ITGAE: variants seen among roughly 807,000 people sequenced by gnomAD.
The protein encoded by ITGAE is integrin alpha-E.
Under a neutral mutation model 136.5 loss-of-function variants are expected in ITGAE, and 99 were observed. The ratio of observed to expected loss-of-function variants is 0.73; its 90% CI spans 0.62 to 0.86. The LOEUF is 0.86. ITGAE is among the 40% of genes least tolerant of loss of function. The probability of loss-of-function intolerance (pLI) is 0.00; values close to 1 mark genes in which losing one functional copy is unlikely to be tolerated. For synonymous variants in ITGAE, 613 were observed against 591.8 expected, an observed-to-expected ratio of 1.04 and a Z score of -0.52; for missense variants, 1,447 against 1,515.3, an observed-to-expected ratio of 0.95 and a Z score of 0.75.
intron 1 of ITGAE, among the ~76,000 whole-genome samples, chr17:3,784,584 G>A (rs1347884652): frequency 1.3e-5 from 2 of 151,792 alleles, no homozygotes; most frequent in East Asian, 2.0e-4. Context: ...TAGTAGAGAC[G>A]GGGTTTCACC....
At chr17:3,765,627 G>GC (rs1353432939) in intron 2 of ITGAE, among the ~76,000 whole-genome samples, 1 of 152,036 alleles carries the variant, frequency 6.6e-6, no homozygotes, top group African/African-American at 2.4e-5. Context: ...GTCACCAGGG[G>GC]CCCCCACAAT....
chr17:3,749,743 C>T (rs2051817091), intron 16 of ITGAE, among the ~76,000 whole-genome samples: 1 of 152,086 alleles, frequency 6.6e-6, no homozygotes, highest in Non-Finnish European at 1.5e-5. Context: ...CTTGGCCAGG[C>T]ATAGTGGCTC....
At position 3,763,879 on chromosome 17, in the gene ITGAE, G is replaced by A. The variant is rs1274692133; in HGVS notation, c.237C>T (p.Cys79=). Residue 79 remains cysteine (C), a synonymous_variant, in exon 3 of 31, where the codon TGC becomes TGT. Transcript: ENST00000263087. ...TTGGGGCTGACTTACCTACAGGATG[G>A]CAAAGGATTTCATCCTGGACAAGGG... ...RCSLVQDEIL[C]HPVEHVPIPK... 3.7e-6 allele frequency: 6 copies of A among 1,613,318 alleles called. No homozygotes were observed. The highest frequency in any genetic ancestry group is 5.1e-6 in the Non-Finnish European group (6 of 1,179,472).
chr17:3,786,520 T>G (rs1231929929), intron 1 of ITGAE, among the ~76,000 whole-genome samples: 1 of 152,162 alleles, frequency 6.6e-6, no homozygotes, highest in Admixed American at 6.6e-5. Flanking sequence ...AAAGGAAAAT[T>G]GAAACAACCG....
Position 3,745,764 on chromosome 17 carries a change from C to A in ITGAE, c.2319G>T (p.Glu773Asp). The A allele has an allele frequency of 1.2e-6, 2 of 1,613,768 alleles. No homozygotes were observed. Among genetic ancestry groups the A allele is most frequent in the South Asian group, 2.2e-5 (2 of 91,044 alleles). The change falls in exon 18 of 31, where the codon GAG becomes GAT. Residue 773 changes from glutamate (E) to aspartate (D), a missense_variant and splice_region_variant. Around this residue, in one of 3 missense-constraint regions of ITGAE, gnomAD observed 1,031 missense variants for 1,011.4 expected, o/e 1.02. Coordinates refer to ENST00000263087, the MANE Select transcript of ITGAE (RefSeq NM_002208.5). ...EDLLLMPTEG[E>D]LCEEDCFSNA... is the part of the protein sequence containing the mutation. ...CTCCCATCCAAACTCCGTCACTTACCTCTCCCTCTGTGGGCATGAGCAGGA... is the reference window on the plus strand; with the variant it reads ...CTCCCATCCAAACTCCGTCACTTACATCTCCCTCTGTGGGCATGAGCAGGA...
Position 3,755,032 on chromosome 17 carries a change from C to A in ITGAE, c.1384+85G>T, listed in dbSNP as rs983017887. On this transcript the variant is annotated intron_variant, in intron 12 of 30. Coordinates refer to ENST00000263087, the MANE Select transcript of ITGAE (RefSeq NM_002208.5). ...TAGGCCCCGCCCTCGCCCACGTAGC[C>A]CTCAGGCCCCACCCTCGCCCAGGGA... 3.9e-5 allele frequency: 56 copies of A among 1,426,746 alleles called. No homozygotes were observed. In the African/African-American group the frequency reaches 7.6e-4, roughly 19 times the overall value. The allele number at this position is 1,426,746 out of a possible 1,614,324, so 88.4% of individuals were successfully genotyped here.
chr17:3,726,006 T>G, intron 26 of ITGAE: 1 of 1,613,988 alleles, frequency 6.2e-7, no homozygotes, highest in Non-Finnish European at 8.5e-7. Context: ...CTACACCCTG[T>G]CGCGCTTGGA....
chr17:3,728,582 A>G (rs2051270512), intron 24 of ITGAE: 1 of 176,206 alleles, frequency 5.7e-6, no homozygotes, highest in African/African-American at 2.4e-5. Context: ...CATGTTAGCC[A>G]GGCTGGTCTT....
At position 3,723,435 on chromosome 17, in the gene ITGAE, A is replaced by C. The variant is rs767456562; in HGVS notation, c.3142-52T>G. 5.2e-6 allele frequency: 7 copies of C among 1,340,194 alleles called. No homozygotes were observed. The Admixed American group carries it at 8.4e-5, about 16-fold the overall frequency. 83.0% of individuals were successfully genotyped at this position (1,340,194 alleles called of 1,614,324 possible). ...AATTCCTTTCCGTGCGGAAAGTCTG[A>C]AATCTTTTTAACACTTCGGACACAG... On this transcript the variant is annotated intron_variant, in intron 27 of 30. Coordinates refer to ENST00000263087, the MANE Select transcript of ITGAE (RefSeq NM_002208.5).
chr17:3,740,007 G>A (rs1274195713), intron 19 of ITGAE, 129 bp from the exon 20 acceptor site: 5 of 718,000 alleles, frequency 7.0e-6, no homozygotes, highest in Non-Finnish European at 1.3e-5. Context: ...CAGTTACAGG[G>A]AGGTGAGGGG....
At position 3,729,468 on chromosome 17, in the gene ITGAE, G is replaced by A; in HGVS notation, c.2912+10C>T. On this transcript the variant is annotated intron_variant, in intron 24 of 30. Transcript: ENST00000263087. ...AGTCACACCGCTGCTGGCCTCTTGGGAGTACTCACTTGGACAGAACTGCAA... is the reference window on the plus strand; with the variant it reads ...AGTCACACCGCTGCTGGCCTCTTGGAAGTACTCACTTGGACAGAACTGCAA... 1 of 1,584,316 alleles carries A rather than the reference G, an allele frequency of 6.3e-7. No individual in the cohort carries two copies. The highest frequency in any genetic ancestry group is 8.7e-7 in the Non-Finnish European group (1 of 1,152,880).
At chr17:3,762,272 C>T (rs892550211) in intron 3 of ITGAE, among the ~76,000 whole-genome samples, 6 of 152,186 alleles carry the variant, frequency 3.9e-5, no homozygotes, top group African/African-American at 7.2e-5. Flanking sequence ...CCAGCAACAG[C>T]GGATGCCTGC....
At chr17:3,769,829 A>G (rs2052378446) in intron 2 of ITGAE, among the ~76,000 whole-genome samples, 1 of 151,860 alleles carries the variant, frequency 6.6e-6, no homozygotes, top group Admixed American at 6.6e-5. Flanking sequence ...AGCTGGGATT[A>G]CAGGCATGTG....
chr17:3,748,384 G>A (rs1386321641), intron 16 of ITGAE, among the ~76,000 whole-genome samples: 1 of 152,196 alleles, frequency 6.6e-6, no homozygotes, highest in Non-Finnish European at 1.5e-5. Flanking sequence ...TCAGGGGTTC[G>A]AGACCAGCCT....
chr17:3,762,397 A>T (rs1444720942), intron 3 of ITGAE, among the ~76,000 whole-genome samples: 8 of 151,758 alleles, frequency 5.3e-5, no homozygotes, highest in Non-Finnish European at 8.8e-5. Context: ...GGACCAAGGA[A>T]CCCCCCAGCC....
intron 12 of ITGAE, 22 bp downstream of exon 12, chr17:3,755,081 GGTGGCCCCGCCCTC>G (rs1567535534): frequency 1.3e-6 from 2 of 1,543,418 alleles, no homozygotes; most frequent in South Asian, 2.4e-5. Context: ...GCCCTCATCA[GGTGGCCCCGCCCTC>G]ATCAGGTGGC....
rs1295725475 is a variant in ITGAE, at chr17:3,760,202, C to G, written c.684G>C (p.Met228Ile). 1 of 1,613,430 alleles carries G rather than the reference C, an allele frequency of 6.2e-7. No individual in the cohort carries two copies. Among genetic ancestry groups the G allele is most frequent in the Non-Finnish European group, 8.5e-7 (1 of 1,179,416 alleles). ...FQRAKDFISN[M>I]MRNFYEKCFE... ...AACACTTTTCATAGAAGTTCCTCAT[C>G]ATGTTGGAGATGAAGTCTTTGGCTC... Residue 228 changes from methionine (M) to isoleucine (I), a missense_variant, in exon 7 of 31, where the codon ATG becomes ATC. Met to Ile is a conservative substitution (Grantham distance 10, BLOSUM62 1). Around this residue, in one of 3 missense-constraint regions of ITGAE, gnomAD observed 310 missense variants for 416.1 expected, o/e 0.74. Transcript: ENST00000263087.
At chr17:3,746,692 T>C (rs2051724618) in intron 17 of ITGAE, among the ~76,000 whole-genome samples, 1 of 152,014 alleles carries the variant, frequency 6.6e-6, no homozygotes, top group South Asian at 2.1e-4. Context: ...TCTCCTGACC[T>C]TGTGATCCAC....
intron 2 of ITGAE, among the ~76,000 whole-genome samples, chr17:3,770,370 T>C (rs1219936407): frequency 2.0e-5 from 3 of 152,120 alleles, no homozygotes; most frequent in Non-Finnish European, 4.4e-5. Context: ...CCTCAAGTGA[T>C]CTGCCGGCCT....
Sources: allele counts gnomAD v4.1 joint callset (sites outside exome capture counted in the v4.1 genomes callset), GRCh38; gene constraint gnomAD v4.1.1; regional missense constraint gnomAD v4.1.1; transcripts MANE v1.5; gene names NCBI Gene and HGNC (gene_info 2026-07-23, HGNC 2026-07-21).